The following WDR70 variants were observed in gnomAD, a reference collection of about 807,000 sequenced individuals.
WDR70 encodes the protein WD repeat domain 70, also known as WD repeat-containing protein 70.
In WDR70, 53 loss-of-function variants were observed where a neutral mutation model predicts 88.6. The observed-to-expected ratio is 0.60, with a 90% CI of 0.48 to 0.75. The LOEUF (loss-of-function observed/expected upper bound fraction) is 0.75. Among genes scored for constraint, WDR70 ranks in the 30% least tolerant of loss-of-function variants. WDR70 has a pLI of 0.00. For missense variants in WDR70, 610 were observed against 823.2 expected (o/e 0.74, Z 3.17); for synonymous variants, 280 against 270.0 (o/e 1.04, Z -0.36).
chr5:37,424,148 C>CAAAAAAAAAAA (rs11304949), intron 5 of WDR70, among the ~76,000 whole-genome samples: 2 of 55,492 alleles, frequency 3.6e-5, no homozygotes, highest in African/African-American at 7.9e-5. Context: ...GACTCCATCT[C>CAAAAAAAAAAA]AAAAAAAAAA....
rs1181783511 is a variant in WDR70 at position 37,422,285 on chromosome 5, T to G, written c.493-15637T>G. On this transcript the variant is annotated intron_variant, in intron 5 of 17. Coordinates refer to ENST00000265107, the MANE Select transcript of WDR70 (RefSeq NM_018034.4). ...AGTAGTCAAATGTTGTAGAAAACTT[T>G]CCTTTTTTCTTTTTTTTTTTTTGAG... Among the ~76,000 whole-genome samples the G allele has an allele frequency of 2.7e-5, 3 of 109,762 alleles. No homozygotes were observed. The Admixed American group carries it at 2.9e-4, about 11-fold the overall frequency. The allele number at this position is 109,762 out of a possible 152,430, so 72.0% of individuals were successfully genotyped here. A position where few individuals can be genotyped will look rare whatever the true frequency, so the allele number is the denominator to read the frequency against.
intron 8 of WDR70, among the ~76,000 whole-genome samples, chr5:37,512,608 G>A (rs1357078366): frequency 6.6e-6 from 1 of 150,772 alleles, no homozygotes; most frequent in African/African-American, 2.4e-5. Context: ...TTGAGACAGG[G>A]TCTTGCTCTC....
At chr5:37,679,714 G>T (rs541308987) in intron 10 of WDR70, among the ~76,000 whole-genome samples, 63 of 152,316 alleles carry the variant, frequency 4.1e-4, no homozygotes, top group Non-Finnish European at 7.2e-4. Context: ...CAGTCTGCCC[G>T]TTCTCAGATC....
intron 5 of WDR70, among the ~76,000 whole-genome samples, chr5:37,397,557 T>C (rs892779901): frequency 6.6e-6 from 1 of 152,100 alleles, no homozygotes; most frequent in Admixed American, 6.6e-5. Flanking sequence ...GCAAACTGGA[T>C]CTAAAATTAT....
chr5:37,399,890 T>G (rs1225934040), intron 5 of WDR70, among the ~76,000 whole-genome samples: 1 of 152,146 alleles, frequency 6.6e-6, no homozygotes, highest in Non-Finnish European at 1.5e-5. Flanking sequence ...GTTCTCCAGA[T>G]TAACTTCGTG....
At chr5:37,528,370 A>G (rs1005344856) in intron 9 of WDR70, among the ~76,000 whole-genome samples, 4 of 152,202 alleles carry the variant, frequency 2.6e-5, no homozygotes, top group Admixed American at 1.3e-4. Context: ...TCAGCAAACT[A>G]TCACAAGGAC....
At chr5:37,707,110 C>T (rs1329646258) in intron 13 of WDR70, among the ~76,000 whole-genome samples, 1 of 152,086 alleles carries the variant, frequency 6.6e-6, no homozygotes, top group Non-Finnish European at 1.5e-5. Flanking sequence ...ATATTATTAG[C>T]TTGGTAGTTT....
intron 5 of WDR70, among the ~76,000 whole-genome samples, chr5:37,410,233 C>T (rs559758009): frequency 1.5e-5 from 2 of 130,510 alleles, no homozygotes; most frequent in Admixed American, 8.3e-5. Flanking sequence ...GAGACAAGGT[C>T]TTCCCATGTT....
intron 8 of WDR70, among the ~76,000 whole-genome samples, chr5:37,489,136 G>A (rs541923857): frequency 2.0e-4 from 31 of 152,320 alleles, no homozygotes; most frequent in African/African-American, 7.2e-4. Context: ...GGTTTAATTA[G>A]GTGTGGCAAT....
At chr5:37,752,132 C>T (rs939203956) in intron 17 of WDR70, among the ~76,000 whole-genome samples, 7 of 152,100 alleles carry the variant, frequency 4.6e-5, no homozygotes, top group African/African-American at 1.7e-4. Flanking sequence ...TGCTTGGTGA[C>T]TGTAGTTCGT....
chr5:37,396,917 C>T (rs1417340513), intron 5 of WDR70, among the ~76,000 whole-genome samples: 3 of 152,004 alleles, frequency 2.0e-5, no homozygotes, highest in Non-Finnish European at 2.9e-5. Flanking sequence ...CCGAGGTGGA[C>T]GGATCGCTTG....
intron 10 of WDR70, among the ~76,000 whole-genome samples, chr5:37,651,322 G>T (rs1210177269): frequency 6.6e-6 from 1 of 152,042 alleles, no homozygotes; most frequent in Non-Finnish European, 1.5e-5. Context: ...ATAGTATTCT[G>T]TGATATATAT....
chr5:37,576,057 ACTTC>A (rs376586901), intron 9 of WDR70, among the ~76,000 whole-genome samples: 4 of 141,794 alleles, frequency 2.8e-5, no homozygotes, highest in African/African-American at 7.9e-5. Context: ...CTTCCTTCCA[ACTTC>A]CTTCCTTCCT....
At chr5:37,513,748 C>G (rs1740793996) in intron 8 of WDR70, among the ~76,000 whole-genome samples, 1 of 152,106 alleles carries the variant, frequency 6.6e-6, no homozygotes, top group African/African-American at 2.4e-5. Context: ...AGGCCAGTCT[C>G]TCATTTCACA....
At chr5:37,473,022 C>T (rs558143512) in intron 7 of WDR70, among the ~76,000 whole-genome samples, 1 of 152,022 alleles carries the variant, frequency 6.6e-6, no homozygotes, top group African/African-American at 2.4e-5. Flanking sequence ...ATTCTAATTG[C>T]TCCACATTCT....
At chr5:37,679,717 C>G (rs1421109247) in intron 10 of WDR70, among the ~76,000 whole-genome samples, 2 of 152,230 alleles carry the variant, frequency 1.3e-5, no homozygotes, top group African/African-American at 2.4e-5. Flanking sequence ...TCTGCCCGTT[C>G]TCAGATCTCC....
chr5:37,532,790 C>T (rs1004492292), intron 9 of WDR70, among the ~76,000 whole-genome samples: 3 of 152,006 alleles, frequency 2.0e-5, no homozygotes, highest in African/African-American at 7.2e-5. Flanking sequence ...TCATTTAGAT[C>T]CATTGCTGGT....
intron 11 of WDR70, among the ~76,000 whole-genome samples, chr5:37,699,479 G>A (rs187586023): frequency 8.6e-5 from 13 of 150,902 alleles, no homozygotes; most frequent in African/African-American, 3.2e-4. Flanking sequence ...GTATTCCATC[G>A]TTTTCCTTCC....
chr5:37,481,666 C>T (rs1739674595), intron 8 of WDR70, among the ~76,000 whole-genome samples: 1 of 152,162 alleles, frequency 6.6e-6, no homozygotes, highest in Non-Finnish European at 1.5e-5. Flanking sequence ...GGGTCTCTAA[C>T]ATGCCCTGGA....
Sources: gnomAD v4.1 joint callset for allele counts (sites outside exome capture counted in the v4.1 genomes callset) on GRCh38, gnomAD v4.1.1 for gene constraint, MANE v1.5 for transcripts, NCBI Gene and HGNC (gene_info 2026-07-23, HGNC 2026-07-21) for gene names.